HOMER2: variants seen among roughly 807,000 people sequenced by gnomAD.
HOMER2 encodes the protein homer protein homolog 2.
In HOMER2, 27 loss-of-function variants were observed where a neutral mutation model predicts 47.0. The observed-to-expected ratio is 0.57, with a 90% CI of 0.42 to 0.79. The LOEUF (loss-of-function observed/expected upper bound fraction) is 0.79, where lower values mean the gene tolerates loss of function less well. Among genes scored for constraint, HOMER2 ranks in the 30% least tolerant of loss-of-function variants. The pLI, the probability that HOMER2 is intolerant of heterozygous loss-of-function variation, is 0.00. For missense variants in HOMER2, 443 were observed against 435.0 expected, an observed-to-expected ratio of 1.02 and a Z score of -0.16; for synonymous variants, 161 against 163.8, an observed-to-expected ratio of 0.98 and a Z score of 0.13.
chr15:82,968,260 C>T (rs1395883847), intron 1 of HOMER2, among the ~76,000 whole-genome samples: 3 of 152,154 alleles, frequency 2.0e-5, no homozygotes, highest in African/African-American at 7.2e-5. Context: ...CACCACTATA[C>T]AGTTCCAGAA....
At chr15:82,964,732 T>A (rs1339934709) in intron 1 of HOMER2, among the ~76,000 whole-genome samples, 1 of 152,072 alleles carries the variant, frequency 6.6e-6, no homozygotes, top group Non-Finnish European at 1.5e-5. Flanking sequence ...ATCACACCAC[T>A]GCACTCCGGC....
At chr15:82,866,426 G>A (rs945369656) in intron 3 of HOMER2, among the ~76,000 whole-genome samples, 2 of 152,158 alleles carry the variant, frequency 1.3e-5, no homozygotes, top group Non-Finnish European at 2.9e-5. Flanking sequence ...GACTTGCCTT[G>A]TCTCAGATGA....
chr15:82,893,116 T>G (rs1257590356), intron 1 of HOMER2, among the ~76,000 whole-genome samples: 3 of 152,148 alleles, frequency 2.0e-5, no homozygotes, highest in Non-Finnish European at 4.4e-5. Context: ...TTGTTCAGTG[T>G]TTTCGAATCC....
At chr15:82,834,929 T>TTAAC (rs2051107651), downstream of HOMER2, 1 of 152,086 alleles carries the variant, frequency 6.6e-6, no homozygotes, top group African/African-American at 2.4e-5. Flanking sequence ...CTCCTTAAAA[T>TTAAC]TAAATTTTTA....
chr15:82,974,404 C>CAA (rs748948266), intron 1 of HOMER2, among the ~76,000 whole-genome samples: 4 of 130,058 alleles, frequency 3.1e-5, no homozygotes, highest in Non-Finnish European at 6.6e-5. Flanking sequence ...AACTCTATCT[C>CAA]AAAAAAAAAA....
At chr15:82,927,973 C>CAAAAAAAAAAAAA (rs928406358) in intron 1 of HOMER2, among the ~76,000 whole-genome samples, 1 of 57,326 alleles carries the variant, frequency 1.7e-5, no homozygotes, top group African/African-American at 4.8e-5. Context: ...AACTCCGTCT[C>CAAAAAAAAAAAAA]AAAAAAAAAA....
chr15:82,930,855 G>A (rs557876935), intron 1 of HOMER2, among the ~76,000 whole-genome samples: 3 of 152,048 alleles, frequency 2.0e-5, no homozygotes, highest in African/African-American at 7.2e-5. Context: ...ATGAAACCCC[G>A]TCTCTACTAA....
rs765274807 is a variant in HOMER2 at position 82,859,078 on chromosome 15, T to C, written c.445A>G (p.Thr149Ala). 17 of 1,613,918 alleles carry C rather than the reference T, an allele frequency of 1.1e-5. No individual in the cohort carries two copies. In the South Asian group the frequency reaches 1.9e-4, roughly 18 times the overall value. The stretch of plus-strand genomic sequence containing the variant: ...TTGTCATTCTCAGACTTCAGGTGTG[T>C]GTTGGCTGGACCGGCGTGAGAGGCC... ...EKASHAGPAN[T>A]HLKSENDKLK... is the part of the protein sequence containing the mutation. Residue 149 changes from threonine (T) to alanine (A), a missense_variant, in exon 5 of 9, where the codon ACA becomes GCA. By Grantham distance (58) the Thr-to-Ala change is moderately conservative. Transcript: ENST00000450735.
At chr15:82,841,602 A>C (rs2051176829) in exon 2 of HOMER2, 1 of 152,220 alleles carries the variant, frequency 6.6e-6, no homozygotes, top group Admixed American at 6.5e-5. Flanking sequence ...CATTGTTCTA[A>C]AAGTACCAGT....
At chr15:82,931,655 G>A (rs965470564) in intron 1 of HOMER2, among the ~76,000 whole-genome samples, 1 of 151,606 alleles carries the variant, frequency 6.6e-6, no homozygotes, top group African/African-American at 2.4e-5. Context: ...TGGCTAACAC[G>A]GTGAAACCCC....
At chr15:82,862,559 A>G (rs1163050575) in intron 4 of HOMER2, among the ~76,000 whole-genome samples, 1 of 152,218 alleles carries the variant, frequency 6.6e-6, no homozygotes, top group Admixed American at 6.5e-5. Flanking sequence ...AAAAGATAGT[A>G]TATTAGAAAC....
At chr15:82,940,587 C>T (rs142526130) in intron 1 of HOMER2, among the ~76,000 whole-genome samples, 1,631 of 152,238 alleles carry the variant, frequency 0.011, 8 homozygotes, top group Non-Finnish European at 0.016. Context: ...ACTAAAAATA[C>T]AAAAAATTAG....
intron 1 of HOMER2, among the ~76,000 whole-genome samples, chr15:82,943,154 G>A (rs1022054195): frequency 1.3e-5 from 2 of 152,136 alleles, no homozygotes; most frequent in African/African-American, 2.4e-5. Flanking sequence ...TTATGTGTCC[G>A]GCATTGTGCT....
intron 1 of HOMER2, among the ~76,000 whole-genome samples, chr15:82,970,233 G>A (rs72755947): frequency 0.046 from 7,015 of 152,332 alleles, 227 homozygotes; most frequent in Non-Finnish European, 0.071. Context: ...GGACAGAGCT[G>A]TCAGCAGGGC....
At chr15:82,855,017 T>G (rs942701934) in intron 5 of HOMER2, among the ~76,000 whole-genome samples, 1 of 152,152 alleles carries the variant, frequency 6.6e-6, no homozygotes, top group Admixed American at 6.5e-5. Context: ...GTGGTCTATC[T>G]TCTTAAAGAA....
At chr15:82,893,329 CTTTTTTTT>C (rs771392216) in intron 1 of HOMER2, among the ~76,000 whole-genome samples, 23 of 118,960 alleles carry the variant, frequency 1.9e-4, no homozygotes, top group Non-Finnish European at 3.2e-4. Flanking sequence ...ATAATTTTAT[CTTTTTTTT>C]TTTTTTTTTT....
chr15:82,918,472 G>C (rs2053645732), intron 1 of HOMER2, among the ~76,000 whole-genome samples: 1 of 152,090 alleles, frequency 6.6e-6, no homozygotes, highest in African/African-American at 2.4e-5. Context: ...TCCTACTTGA[G>C]TATCAGGCCC....
intron 7 of HOMER2, 125 bp downstream of exon 7, chr15:82,852,015 GCT>G (rs2051410814): frequency 3.1e-6 from 2 of 643,880 alleles, no homozygotes; most frequent in Non-Finnish European, 5.4e-6. Flanking sequence ...GTGGCTCCCA[GCT>G]CTCTCTCCGT....
chr15:82,985,952 C>T (rs1190248462), upstream of HOMER2: 2 of 521,628 alleles, frequency 3.8e-6, no homozygotes, highest in Middle Eastern at 9.4e-4. Context: ...GAACTTCCGT[C>T]TCTACCCGTC....
Sources: gnomAD v4.1 joint callset for allele counts (sites outside exome capture counted in the v4.1 genomes callset) on GRCh38, gnomAD v4.1.1 for gene constraint, MANE v1.5 for transcripts, NCBI Gene and HGNC (gene_info 2026-07-23, HGNC 2026-07-21) for gene names.